Variants in GTF2I observed in about 807,000 individuals in gnomAD.
GTF2I encodes general transcription factor IIi.
In GTF2I, 12 loss-of-function variants were observed where a neutral mutation model predicts 67.6. The observed-to-expected ratio is 0.18, with a 90% CI of 0.11 to 0.29. The LOEUF is 0.29. Ranked by LOEUF, GTF2I falls within the 10% of genes least tolerant of loss-of-function variation. The pLI is 1.00. For missense variants in GTF2I, 271 were observed against 580.1 expected, an observed-to-expected ratio of 0.47 and a Z score of 5.47; for synonymous variants, 149 against 197.0, an observed-to-expected ratio of 0.76 and a Z score of 2.04.
At chr7:74,671,854 C>G (rs1344880792) in intron 1 of GTF2I, among the ~76,000 whole-genome samples, 3 of 151,762 alleles carry the variant, frequency 2.0e-5, no homozygotes, top group Non-Finnish European at 4.4e-5. Flanking sequence ...TGTGGTGGTG[C>G]ATTCCTGTAG....
intron 7 of GTF2I, 119 bp downstream of exon 7, chr7:74,705,337 A>C: frequency 1.5e-6 from 1 of 680,830 alleles, no homozygotes; most frequent in Non-Finnish European, 2.6e-6. Flanking sequence ...AAAGTTTAAT[A>C]GGCAAGGATA....
chr7:74,661,086 A>G (rs1554386343), intron 1 of GTF2I, among the ~76,000 whole-genome samples: 1 of 151,984 alleles, frequency 6.6e-6, no homozygotes, highest in African/African-American at 2.4e-5. Context: ...AGAGTTCTGT[A>G]CTCTTGCTTG....
intron 6 of GTF2I, among the ~76,000 whole-genome samples, chr7:74,704,848 CT>C (rs1253892677): frequency 1.5e-4 from 13 of 88,468 alleles, no homozygotes; most frequent in African/African-American, 6.0e-4. Context: ...GAGTAAAACC[CT>C]GTTTCTAAAA....
At chr7:74,753,355 TTGTC>T (rs587607105) in intron 29 of GTF2I, among the ~76,000 whole-genome samples, 178 bp downstream of exon 29, 324 of 152,156 alleles carry the variant, frequency 2.1e-3, no homozygotes, top group African/African-American at 7.1e-3. Context: ...ACACTATTGA[TTGTC>T]AGTATGAAAG....
At chr7:74,670,710 C>CA (rs75928280) in intron 1 of GTF2I, among the ~76,000 whole-genome samples, 332 of 126,354 alleles carry the variant, frequency 2.6e-3, no homozygotes, top group East Asian at 6.2e-3. Flanking sequence ...AAAAAAAAAA[C>CA]AAAAAAAAAA....
Position 74,714,879 on chromosome 7 carries a change from T to A in GTF2I, c.786T>A (p.Asp262Glu). 2 of 1,608,096 alleles carry A rather than the reference T, an allele frequency of 1.2e-6. No homozygotes were observed. Among genetic ancestry groups the A allele is most frequent in the East Asian group, 2.2e-5 (1 of 44,676 alleles). ...AAGCAGGCCCTTCTGAAACTGATGATGTTGATGAAAAACAGCCCCTATCGA... is the reference window on the plus strand; with the variant it reads ...AAGCAGGCCCTTCTGAAACTGATGAAGTTGATGAAAAACAGCCCCTATCGA... ...NIQAGPSETD[D>E]VDEKQPLSKP... The change falls in exon 10 of 35, where the codon GAT (aspartate) becomes GAA (glutamate). Residue 262 changes from aspartate to glutamate, a missense_variant. Coordinates refer to ENST00000573035, the MANE Select transcript of GTF2I (RefSeq NM_032999.4).
At chr7:74,694,337 A>G (rs2131308845) in intron 3 of GTF2I, among the ~76,000 whole-genome samples, 1 of 152,362 alleles carries the variant, frequency 6.6e-6, no homozygotes, top group South Asian at 2.1e-4. Context: ...CTGTAATCCC[A>G]GCACTTTGGG....
intron 1 of GTF2I, among the ~76,000 whole-genome samples, chr7:74,665,602 T>C (rs1804909261): frequency 1.3e-5 from 2 of 152,164 alleles, no homozygotes; most frequent in Non-Finnish European, 2.9e-5. Context: ...TTCTAAGAGC[T>C]GTTGCAAGGA....
At chr7:74,717,041 G>T in intron 11 of GTF2I, 91 bp downstream of exon 11, 2 of 1,478,758 alleles carry the variant, frequency 1.4e-6, no homozygotes, top group South Asian at 1.3e-5. Flanking sequence ...CACCTTATTT[G>T]GAAATAAAAG....
At chr7:74,698,030 G>A (rs1008221207) in intron 3 of GTF2I, among the ~76,000 whole-genome samples, 5 of 151,752 alleles carry the variant, frequency 3.3e-5, no homozygotes, top group African/African-American at 9.7e-5. Flanking sequence ...ATTTCCGCTC[G>A]CTGCAAGCTC....
At chr7:74,711,767 G>A (rs1177040436) in intron 9 of GTF2I, among the ~76,000 whole-genome samples, 3 of 152,080 alleles carry the variant, frequency 2.0e-5, no homozygotes, top group South Asian at 2.1e-4. Context: ...AGCGTTGCAC[G>A]TATCAGTAGT....
At chr7:74,658,633 G>A (rs1229418200) in intron 1 of GTF2I, among the ~76,000 whole-genome samples, 1 of 150,970 alleles carries the variant, frequency 6.6e-6, no homozygotes, top group Non-Finnish European at 1.5e-5. Context: ...GCGGGGCCGC[G>A]CGTTGCCTGG....
At chr7:74,659,458 C>G (rs1045598411) in intron 1 of GTF2I, among the ~76,000 whole-genome samples, 37 of 150,912 alleles carry the variant, frequency 2.5e-4, no homozygotes, top group African/African-American at 8.3e-4. Context: ...GGTGTGATCT[C>G]GGCTCACTGC....
intron 1 of GTF2I, among the ~76,000 whole-genome samples, chr7:74,660,860 C>G (rs921246468): frequency 6.6e-6 from 1 of 151,596 alleles, no homozygotes; most frequent in African/African-American, 2.4e-5. Context: ...GGACAAGAAG[C>G]CTTTTCCTCC....
At chr7:74,722,058 A>G (rs587681891) in intron 12 of GTF2I, among the ~76,000 whole-genome samples, 2 of 152,330 alleles carry the variant, frequency 1.3e-5, no homozygotes, top group African/African-American at 4.8e-5. Flanking sequence ...ATTGGTAGAA[A>G]AAAAAACAGA....
At chr7:74,737,341 G>A (rs1189382436) in intron 18 of GTF2I, among the ~76,000 whole-genome samples, 1 of 147,026 alleles carries the variant, frequency 6.8e-6, no homozygotes, top group Non-Finnish European at 1.5e-5. Context: ...CATATGAGTA[G>A]GGGGAGGAGG....
At chr7:74,725,584 T>C (rs1554405522) in intron 12 of GTF2I, among the ~76,000 whole-genome samples, 3 of 150,750 alleles carry the variant, frequency 2.0e-5, no homozygotes, top group Admixed American at 6.6e-5. Context: ...GTCCCAGCTA[T>C]TTGGGAGGCT....
At chr7:74,677,734 A>G (rs370955791) in intron 1 of GTF2I, among the ~76,000 whole-genome samples, 43 of 139,940 alleles carry the variant, frequency 3.1e-4, no homozygotes, top group East Asian at 1.5e-3. Context: ...GTGAGCCAAG[A>G]TCACGCCACT....
At chr7:74,660,351 C>T (rs1804365307) in intron 1 of GTF2I, among the ~76,000 whole-genome samples, 1 of 151,570 alleles carries the variant, frequency 6.6e-6, no homozygotes, top group Admixed American at 6.6e-5. Context: ...GCCCCCAAGC[C>T]CCGCTAATAT....
Sources: gnomAD v4.1 joint callset for allele counts (sites outside exome capture counted in the v4.1 genomes callset) on GRCh38, gnomAD v4.1.1 for gene constraint, MANE v1.5 for transcripts, NCBI Gene and HGNC (gene_info 2026-07-23, HGNC 2026-07-21) for gene names.